Variants in DRC8 observed in about 807,000 individuals in gnomAD.
The protein encoded by DRC8 is dynein regulatory complex subunit 8, also known as dynein regulatory complex protein 8.
chr1:245,002,203 A>G, the DRC8 span: 1 of 1,610,072 alleles, frequency 6.2e-7, no homozygotes, highest in Non-Finnish European at 8.5e-7. Context: ...AGAGACCATC[A>G]CACAATGACG....
At chr1:244,970,689 C>T in the DRC8 span, 4 of 498,098 alleles carry the variant, frequency 8.0e-6, no homozygotes, top group South Asian at 2.7e-5. Context: ...GCCTCTCTCC[C>T]CTCTTCCCTC....
the DRC8 span, among the ~76,000 whole-genome samples, chr1:245,059,903 G>T: frequency 6.6e-6 from 1 of 152,172 alleles, no homozygotes; most frequent in South Asian, 2.1e-4. Flanking sequence ...GTTTAAAAAC[G>T]AGTCATGTGT....
chr1:245,100,492 A>G, the DRC8 span, among the ~76,000 whole-genome samples: 1 of 152,134 alleles, frequency 6.6e-6, no homozygotes, highest in South Asian at 2.1e-4. Context: ...AAAAAATACT[A>G]TACAGAGGCC....
chr1:245,090,207 G>C, the DRC8 span, among the ~76,000 whole-genome samples: 1 of 152,210 alleles, frequency 6.6e-6, no homozygotes, highest in South Asian at 2.1e-4. Context: ...GAAAGACCCA[G>C]GTAGGAGGAG....
At chr1:245,105,687 C>A in the DRC8 span, among the ~76,000 whole-genome samples, 1 of 151,106 alleles carries the variant, frequency 6.6e-6, no homozygotes, top group Admixed American at 6.6e-5. Context: ...ATCAACTATT[C>A]GGCTTCTTTG....
chr1:245,001,681 A>G, the DRC8 span, among the ~76,000 whole-genome samples: 1 of 152,338 alleles, frequency 6.6e-6, no homozygotes, highest in South Asian at 2.1e-4. Flanking sequence ...AGATACACAT[A>G]TTGTGCCCAC....
chr1:245,018,226 CAAAA>C, the DRC8 span, among the ~76,000 whole-genome samples: 2 of 62,658 alleles, frequency 3.2e-5, no homozygotes, highest in Non-Finnish European at 6.5e-5. Flanking sequence ...GACTCTGTCT[CAAAA>C]AAAAAAAAAA....
the DRC8 span, among the ~76,000 whole-genome samples, chr1:245,069,015 C>T: frequency 5.3e-5 from 8 of 152,222 alleles, no homozygotes; most frequent in Middle Eastern, 3.4e-3. Flanking sequence ...TAGAAACCAA[C>T]GCTTTAAGAA....
At chr1:244,995,267 A>G in the DRC8 span, among the ~76,000 whole-genome samples, 1 of 152,054 alleles carries the variant, frequency 6.6e-6, no homozygotes, top group Non-Finnish European at 1.5e-5. Context: ...AGGCTAAGTC[A>G]GGAGAATCGC....
the DRC8 span, among the ~76,000 whole-genome samples, chr1:245,026,704 T>A: frequency 6.6e-6 from 1 of 152,210 alleles, no homozygotes; most frequent in Non-Finnish European, 1.5e-5. Flanking sequence ...ATGAAGTGAA[T>A]GATGAACTAA....
At chr1:245,118,747 G>A in the DRC8 span, among the ~76,000 whole-genome samples, 7 of 146,358 alleles carry the variant, frequency 4.8e-5, no homozygotes, top group Admixed American at 4.3e-4. Flanking sequence ...AGCCAAGATC[G>A]CACCACTGCA....
the DRC8 span, among the ~76,000 whole-genome samples, chr1:244,988,200 T>A: frequency 6.6e-6 from 1 of 152,154 alleles, no homozygotes. Flanking sequence ...TTTTTTTAAA[T>A]GAGATCGGGT....
the DRC8 span, chr1:244,970,418 G>A: frequency 6.5e-7 from 1 of 1,538,672 alleles, no homozygotes; most frequent in Admixed American, 1.9e-5. Context: ...TCCGCAGCAA[G>A]ATGGCGGACG....
At chr1:245,083,565 A>T in the DRC8 span, 1 of 1,586,188 alleles carries the variant, frequency 6.3e-7, no homozygotes, top group South Asian at 1.2e-5. Flanking sequence ...AAAATTTATC[A>T]TGTAGAACTT....
the DRC8 span, chr1:244,971,089 G>A: frequency 7.8e-5 from 12 of 153,776 alleles, no homozygotes; most frequent in African/African-American, 2.7e-4. Context: ...CCTCCTTAAT[G>A]AGGACGCAGG....
chr1:245,092,189 G>C, the DRC8 span, among the ~76,000 whole-genome samples: 3 of 152,156 alleles, frequency 2.0e-5, no homozygotes, highest in Non-Finnish European at 2.9e-5. Context: ...TCTCCCTCCT[G>C]AGAAGCAATG....
At chr1:245,013,038 A>G in the DRC8 span, among the ~76,000 whole-genome samples, 1 of 152,216 alleles carries the variant, frequency 6.6e-6, no homozygotes, top group Non-Finnish European at 1.5e-5. Context: ...AGTGCAAGGA[A>G]TCAAGCACCT....
the DRC8 span, among the ~76,000 whole-genome samples, chr1:245,004,666 C>T: frequency 6.6e-6 from 1 of 152,224 alleles, no homozygotes; most frequent in South Asian, 2.1e-4. Flanking sequence ...ACAGTAGAAG[C>T]TCCCCTTAAC....
the DRC8 span, among the ~76,000 whole-genome samples, chr1:245,031,395 A>AGG: frequency 6.6e-6 from 1 of 151,644 alleles, no homozygotes; most frequent in Non-Finnish European, 1.5e-5. Context: ...ATGTGGATGG[A>AGG]GGTAATGGGT....
Sources: allele counts gnomAD v4.1 joint callset (sites outside exome capture counted in the v4.1 genomes callset), GRCh38; gene constraint gnomAD v4.1.1; transcripts MANE v1.5; gene names NCBI Gene and HGNC (gene_info 2026-07-23, HGNC 2026-07-21).